The following STK3 variants were observed in gnomAD, a reference collection of about 807,000 sequenced individuals.
The protein encoded by STK3 is serine/threonine-protein kinase 3.
STK3 carries 41 observed loss-of-function variants against 58.0 expected under a neutral mutation model. That is an observed-to-expected ratio of 0.71 (90% CI 0.55 to 0.92). The LOEUF is 0.92. STK3 is among the 40% of genes least tolerant of loss of function. STK3 has a pLI of 0.00. For synonymous variants in STK3, 170 were observed against 191.0 expected (o/e 0.89, Z 0.91); for missense variants, 479 against 602.7 (o/e 0.79, Z 2.15).
intron 6 of STK3, among the ~76,000 whole-genome samples, chr8:98,704,850 C>T (rs755906262): frequency 1.3e-5 from 2 of 152,104 alleles, no homozygotes; most frequent in Non-Finnish European, 2.9e-5. Flanking sequence ...TAAGTTAAAT[C>T]CCAGCTCTTG....
At chr8:98,419,098 C>A (rs533964019) in intron 3 of STK3, among the ~76,000 whole-genome samples, 3 of 152,174 alleles carry the variant, frequency 2.0e-5, no homozygotes, top group Non-Finnish European at 2.9e-5. Context: ...CGGTGGCTCA[C>A]GCCTGAAATC....
intron 1 of STK3, among the ~76,000 whole-genome samples, chr8:98,441,150 A>G (rs898311346): frequency 6.6e-6 from 1 of 152,204 alleles, no homozygotes; most frequent in Non-Finnish European, 1.5e-5. Context: ...TACAGGGAGA[A>G]CTCAAAATTC....
intron 1 of STK3, among the ~76,000 whole-genome samples, chr8:98,446,745 G>A (rs982213562): frequency 1.9e-4 from 29 of 152,116 alleles, no homozygotes; most frequent in African/African-American, 6.5e-4. Flanking sequence ...GGGTTTATAT[G>A]CAGAGGAATA....
chr8:98,832,544 A>G (rs1342364312), intron 3 of STK3, among the ~76,000 whole-genome samples: 4 of 152,184 alleles, frequency 2.6e-5, no homozygotes, highest in Admixed American at 2.6e-4. Flanking sequence ...GGAGTCCAGC[A>G]AGTCTTTCAA....
At chr8:98,479,165 T>C (rs1821619983) in intron 10 of STK3, among the ~76,000 whole-genome samples, 1 of 152,070 alleles carries the variant, frequency 6.6e-6, no homozygotes. Context: ...AGGTGTGTAG[T>C]TTAGCAGGAA....
At chr8:98,756,024 T>A (rs1830266977) in intron 3 of STK3, among the ~76,000 whole-genome samples, 1 of 151,650 alleles carries the variant, frequency 6.6e-6, no homozygotes, top group Admixed American at 6.6e-5. Context: ...GGGCCTATAA[T>A]CCCAGCTACT....
intron 8 of STK3, among the ~76,000 whole-genome samples, chr8:98,572,563 T>C (rs1813050305): frequency 6.6e-6 from 1 of 152,198 alleles, no homozygotes; most frequent in African/African-American, 2.4e-5. Context: ...GAGCCTTCAA[T>C]GTGGATAAAC....
At chr8:98,670,449 A>G (rs1444450171) in intron 6 of STK3, among the ~76,000 whole-genome samples, 1 of 152,234 alleles carries the variant, frequency 6.6e-6, no homozygotes, top group East Asian at 1.9e-4. Flanking sequence ...AATAAAAATC[A>G]TTAGATTTAA....
intron 3 of STK3, among the ~76,000 whole-genome samples, chr8:98,403,671 A>G (rs555908311): frequency 2.0e-5 from 3 of 152,308 alleles, no homozygotes; most frequent in South Asian, 4.1e-4. Flanking sequence ...TGCCCTATGC[A>G]CAGGTAGAGC....
chr8:98,917,460 A>C (rs1280882523), intron 1 of STK3, among the ~76,000 whole-genome samples: 1 of 151,938 alleles, frequency 6.6e-6, no homozygotes, highest in African/African-American at 2.4e-5. Flanking sequence ...TTAAATCCTA[A>C]CCCCCAATTT....
chr8:98,754,488 G>GA (rs1830169320), intron 3 of STK3, among the ~76,000 whole-genome samples: 6 of 149,208 alleles, frequency 4.0e-5, no homozygotes, highest in African/African-American at 1.5e-4. Flanking sequence ...ATCCTTCAGG[G>GA]GAAAAAAAAA....
chr8:98,653,310 T>A (rs1346668188), intron 6 of STK3, among the ~76,000 whole-genome samples: 2 of 152,056 alleles, frequency 1.3e-5, no homozygotes, highest in African/African-American at 2.4e-5. Context: ...ACATACCAGA[T>A]TCTTTGGGAC....
chr8:98,789,676 A>G (rs1421317195), intron 1 of STK3, among the ~76,000 whole-genome samples: 1 of 152,156 alleles, frequency 6.6e-6, no homozygotes, highest in Non-Finnish European at 1.5e-5. Flanking sequence ...AAATTCCTGG[A>G]AAGATAAAAC....
chr8:98,652,351 C>A lies in STK3; in HGVS notation c.684+54116G>T, dbSNP rs79994147. ...AGGAAGCACTAAACATGGAAAGGAA[C>A]AACCGGTACCAGCCACTACAAAATC... On this transcript the variant is annotated intron_variant, in intron 6 of 10. Transcript: ENST00000419617. Among the ~76,000 whole-genome samples, 11 of 152,282 alleles carry A rather than the reference C, an allele frequency of 7.2e-5. No individual in the cohort carries two copies. The South Asian group carries it at 2.1e-3, about 29-fold the overall frequency.
At chr8:98,884,770 T>C (rs1203110642) in intron 1 of STK3, among the ~76,000 whole-genome samples, 7 of 152,220 alleles carry the variant, frequency 4.6e-5, no homozygotes, top group Non-Finnish European at 8.8e-5. Flanking sequence ...CATTAGAATA[T>C]AAGTTTCATG....
At chr8:98,931,443 C>T (rs1008118386) in intron 1 of STK3, among the ~76,000 whole-genome samples, 1 of 152,078 alleles carries the variant, frequency 6.6e-6, no homozygotes, top group Non-Finnish European at 1.5e-5. Context: ...ACTCCTACCC[C>T]GACCCGGCCT....
At chr8:98,647,939 A>G (rs983496913) in intron 6 of STK3, among the ~76,000 whole-genome samples, 2 of 152,220 alleles carry the variant, frequency 1.3e-5, no homozygotes, top group South Asian at 2.1e-4. Flanking sequence ...ATCAGGAGGT[A>G]TCTTTTTTGC....
chr8:98,397,893 T>C (rs377320970), downstream of STK3, among the ~76,000 whole-genome samples: 17 of 152,328 alleles, frequency 1.1e-4, no homozygotes, highest in South Asian at 8.3e-4. Context: ...CCTTCTACCA[T>C]GATTGAAAGT....
chr8:98,813,297 T>A (rs1834345128), intron 1 of STK3, among the ~76,000 whole-genome samples: 1 of 152,248 alleles, frequency 6.6e-6, no homozygotes, highest in Non-Finnish European at 1.5e-5. Context: ...TATCGGACTC[T>A]AAAGCACCAG....
Sources: allele counts gnomAD v4.1 joint callset (sites outside exome capture counted in the v4.1 genomes callset), GRCh38; gene constraint gnomAD v4.1.1; transcripts MANE v1.5; gene names NCBI Gene and HGNC (gene_info 2026-07-23, HGNC 2026-07-21).